SLC39A10: variants seen among roughly 807,000 people sequenced by gnomAD.
SLC39A10 encodes the protein zinc transporter ZIP10.
Under a neutral mutation model 65.1 loss-of-function variants are expected in SLC39A10, and 13 were observed. That is an observed-to-expected ratio of 0.20 (90% CI 0.13 to 0.32). The LOEUF is 0.32. Ranked by LOEUF, SLC39A10 falls within the 10% of genes least tolerant of loss-of-function variation. The pLI, the probability that SLC39A10 is intolerant of heterozygous loss-of-function variation, is 1.00. For missense variants in SLC39A10, 831 were observed against 1,018.4 expected, an observed-to-expected ratio of 0.82 and a Z score of 2.50; for synonymous variants, 321 against 342.2, an observed-to-expected ratio of 0.94 and a Z score of 0.68.
At chr2:195,679,897 G>A in intron 1 of SLC39A10, 135 bp from the exon 2 acceptor site, 1 of 621,508 alleles carries the variant, frequency 1.6e-6, no homozygotes, top group Non-Finnish European at 2.6e-6. Flanking sequence ...CTTTTCTCTG[G>A]TTCTTAACAT....
Position 195,735,067 on chromosome 2 carries a change from A to G in SLC39A10, c.*26A>G. 1 of 1,599,466 alleles carries G rather than the reference A, an allele frequency of 6.3e-7. No homozygotes were observed. Among genetic ancestry groups the G allele is most frequent in the Non-Finnish European group, 8.5e-7 (1 of 1,173,550 alleles). ...CCTTTCCCAGTAATCACTGTTGATTACGAGAATGTTACCATGCAGCTTTGC... is the reference window on the plus strand; with the variant it reads ...CCTTTCCCAGTAATCACTGTTGATTGCGAGAATGTTACCATGCAGCTTTGC... On this transcript the variant is annotated 3_prime_UTR_variant, in exon 10 of 10. Coordinates refer to ENST00000359634, the MANE Select transcript of SLC39A10 (RefSeq NM_020342.3).
chr2:195,697,615 T>C (rs1247688482), intron 3 of SLC39A10, among the ~76,000 whole-genome samples: 6 of 152,110 alleles, frequency 3.9e-5, no homozygotes, highest in Non-Finnish European at 8.8e-5. Flanking sequence ...TCAGTGTCTC[T>C]TGTTCCCCTC....
intron 1 of SLC39A10, among the ~76,000 whole-genome samples, chr2:195,663,941 C>T (rs887566169): frequency 6.7e-6 from 1 of 150,254 alleles, no homozygotes; most frequent in African/African-American, 2.4e-5. Flanking sequence ...GTTTTTCAGC[C>T]CTTTCCCTCC....
chr2:195,619,747 T>G (rs1688310794), intron 2 of SLC39A10, among the ~76,000 whole-genome samples: 1 of 151,980 alleles, frequency 6.6e-6, no homozygotes, highest in South Asian at 2.1e-4. Flanking sequence ...AAAAAAAAAC[T>G]AAACTAAAGC....
At chr2:195,722,997 A>T (rs923189258) in intron 8 of SLC39A10, among the ~76,000 whole-genome samples, 1 of 152,194 alleles carries the variant, frequency 6.6e-6, no homozygotes, top group African/African-American at 2.4e-5. Flanking sequence ...TTTAGAGATT[A>T]ATGATGGTTA....
At chr2:195,652,102 C>T (rs929395014), upstream of SLC39A10, among the ~76,000 whole-genome samples, 8 of 152,124 alleles carry the variant, frequency 5.3e-5, no homozygotes, top group African/African-American at 1.9e-4. Context: ...CAACTGGAAG[C>T]AGGGGCTGGT....
chr2:195,672,976 C>T (rs936990754), intron 1 of SLC39A10, among the ~76,000 whole-genome samples: 1 of 152,142 alleles, frequency 6.6e-6, no homozygotes, highest in African/African-American at 2.4e-5. Context: ...TTTTTATCTT[C>T]ATTAGTGTAC....
At chr2:195,684,099 A>G (rs746458806) in intron 3 of SLC39A10, among the ~76,000 whole-genome samples, 193 bp downstream of exon 3, 66 of 152,148 alleles carry the variant, frequency 4.3e-4, no homozygotes, top group Non-Finnish European at 3.7e-4. Flanking sequence ...TGTTTTATTT[A>G]TCTCTTCTGG....
At chr2:195,675,934 T>C (rs1221788935) in intron 1 of SLC39A10, among the ~76,000 whole-genome samples, 1 of 152,072 alleles carries the variant, frequency 6.6e-6, no homozygotes, top group Non-Finnish European at 1.5e-5. Context: ...CATCTAGTAT[T>C]GTGAGATACT....
At chr2:195,717,217 A>G (rs1190982250) in intron 7 of SLC39A10, 3 of 487,604 alleles carry the variant, frequency 6.2e-6, no homozygotes, top group Non-Finnish European at 1.0e-5. Context: ...AAATGTCTGT[A>G]GTATATTTCT....
chr2:195,710,492 A>G (rs1691566815), intron 5 of SLC39A10, among the ~76,000 whole-genome samples: 1 of 152,136 alleles, frequency 6.6e-6, no homozygotes, highest in Non-Finnish European at 1.5e-5. Flanking sequence ...TGTTTTGTAT[A>G]TATTCCTTTC....
At chr2:195,657,217 C>A (rs1016425423), upstream of SLC39A10, 1 of 208,836 alleles carries the variant, frequency 4.8e-6, no homozygotes, top group Non-Finnish European at 8.4e-6. Flanking sequence ...GGTGAATACA[C>A]GATTTGGTGC....
rs376327259 is a variant in SLC39A10, at chr2:195,625,222, A to AAAAGAAAGAAAGAAAG, written c.-12+18999_-12+19014dup. On this transcript the variant is annotated intron_variant, in intron 2 of 2. Coordinates refer to the SLC39A10 transcript ENST00000458054. ...ACAGAGGGACACTCTGTCTCAAAAAAAAAGAAAGAAAGAAAGAAAGAAAGA... is the reference window on the plus strand; with the variant it reads ...ACAGAGGGACACTCTGTCTCAAAAAAAAAGAAAGAAAGAAAGAAAGAAAGAAAGAAAGAAAGAAAGA... Among the ~76,000 whole-genome samples the AAAAGAAAGAAAGAAAG allele has an allele frequency of 3.2e-3, 362 of 112,268 alleles. 9 individuals carry two copies. Among genetic ancestry groups the AAAAGAAAGAAAGAAAG allele is most frequent in the African/African-American group, 0.011 (350 of 32,624 alleles). 73.7% of individuals were successfully genotyped at this position (112,268 alleles called of 152,430 possible). A position where few individuals can be genotyped will look rare whatever the true frequency, so the allele number is the denominator to read the frequency against.
At chr2:195,670,074 G>T (rs1399139102) in intron 1 of SLC39A10, among the ~76,000 whole-genome samples, 2 of 152,058 alleles carry the variant, frequency 1.3e-5, no homozygotes, top group African/African-American at 2.4e-5. Flanking sequence ...CAGGAGAATC[G>T]CTTGAACCCT....
chr2:195,685,842 A>G (rs1029889132), intron 3 of SLC39A10, among the ~76,000 whole-genome samples: 1 of 152,216 alleles, frequency 6.6e-6, no homozygotes, highest in Admixed American at 6.5e-5. Flanking sequence ...TGTTGATTGA[A>G]TGAATACAAT....
At chr2:195,656,941 C>T (rs564631159), upstream of SLC39A10, 3 of 152,416 alleles carry the variant, frequency 2.0e-5, no homozygotes, top group East Asian at 5.8e-4. Context: ...AAAACTAGCG[C>T]GGAGCCACGG....
chr2:195,627,298 C>CT (rs1688493795), intron 2 of SLC39A10, among the ~76,000 whole-genome samples: 1 of 152,152 alleles, frequency 6.6e-6, no homozygotes, highest in African/African-American at 2.4e-5. Context: ...TGACTCACAT[C>CT]TACCTCAGTG....
intron 3 of SLC39A10, among the ~76,000 whole-genome samples, chr2:195,694,373 A>G (rs140610915): frequency 1.3e-5 from 2 of 152,244 alleles, no homozygotes; most frequent in Non-Finnish European, 2.9e-5. Flanking sequence ...TGTCTTGATG[A>G]TTTGTCTAGT....
intron 3 of SLC39A10, among the ~76,000 whole-genome samples, chr2:195,696,646 A>G (rs762421167): frequency 2.6e-5 from 4 of 152,136 alleles, no homozygotes; most frequent in Non-Finnish European, 5.9e-5. Flanking sequence ...AAATTTGTGT[A>G]TAACTTTTCG....
Sources: gnomAD v4.1 joint callset for allele counts (sites outside exome capture counted in the v4.1 genomes callset) on GRCh38, gnomAD v4.1.1 for gene constraint, MANE v1.5 for transcripts, NCBI Gene and HGNC (gene_info 2026-07-23, HGNC 2026-07-21) for gene names.